The following POGLUT3 variants were observed in gnomAD, a reference collection of about 807,000 sequenced individuals.
POGLUT3 encodes protein O-glucosyltransferase 3.
In POGLUT3, 48 loss-of-function variants were observed where a neutral mutation model predicts 54.3. That is an observed-to-expected ratio of 0.88 (90% confidence interval 0.70 to 1.12). The LOEUF is 1.12. POGLUT3 is among the 50% of genes most tolerant of loss of function. POGLUT3 has a pLI of 0.00. For missense variants in POGLUT3, 629 were observed against 618.7 expected, an observed-to-expected ratio of 1.02 and a Z score of -0.18; for synonymous variants, 218 against 237.4, an observed-to-expected ratio of 0.92 and a Z score of 0.75.
At chr11:108,477,905 T>C (rs2093585186) in intron 6 of POGLUT3, 194 bp from the exon 7 acceptor site, 1 of 571,922 alleles carries the variant, frequency 1.7e-6, no homozygotes, top group East Asian at 3.0e-5. Flanking sequence ...TCCCAGTACT[T>C]TGGGGGCCCA....
Position 108,479,468 on chromosome 11 carries a change from T to G in POGLUT3, c.1126A>C (p.Thr376Pro), listed in dbSNP as rs1474035826. 6.2e-7 allele frequency: 1 copy of G among 1,600,824 alleles called. No individual in the cohort carries two copies. Among genetic ancestry groups the G allele is most frequent in the Non-Finnish European group, 8.5e-7 (1 of 1,177,214 alleles). Residue 376 changes from threonine (T) to proline (P), a missense_variant, in exon 6 of 8, where the codon ACC becomes CCC. Coordinates refer to ENST00000323468, the MANE Select transcript of POGLUT3 (RefSeq NM_153705.5). ...TATGGATATCTGTAAGCAGCCACGGTCCCATCCACATTTACTTGATACTTG... is the reference window on the plus strand; with the variant it reads ...TATGGATATCTGTAAGCAGCCACGGGCCCATCCACATTTACTTGATACTTG... ...KYKYQVNVDG[T>P]VAAYRYPYLM...
intron 1 of POGLUT3, 72 bp from the exon 2 acceptor site, chr11:108,491,239 T>C (rs765539145): frequency 2.1e-5 from 25 of 1,207,092 alleles, no homozygotes; most frequent in African/African-American, 3.0e-5. Context: ...ATAGGTGTTA[T>C]TGGATAACTT....
chr11:108,494,408 G>T (rs547941932), intron 1 of POGLUT3, among the ~76,000 whole-genome samples: 37 of 152,356 alleles, frequency 2.4e-4, no homozygotes, highest in Non-Finnish European at 5.1e-4. Flanking sequence ...CTGGCTAGCT[G>T]CCAACGACGA....
At chr11:108,492,070 G>C (rs1029764481) in intron 1 of POGLUT3, among the ~76,000 whole-genome samples, 5 of 143,838 alleles carry the variant, frequency 3.5e-5, no homozygotes, top group Admixed American at 7.4e-5. Context: ...CCAGACTCTT[G>C]TACAAGCTCA....
chr11:108,479,341 C>G lies in POGLUT3; in HGVS notation c.1253G>C (p.Arg418Thr). ...EPWKHYVPIK[R>T]NLSDLLEKVK... ...TTTCTCTAATAAATCACTCAGATTT[C>G]TTTTAATTGGAACATAATGCTTCCA... Residue 418 changes from arginine (R) to threonine (T), a missense_variant, in exon 6 of 8, where the codon AGA (arginine) becomes ACA (threonine). Transcript: ENST00000323468. The G allele has an allele frequency of 7.4e-6, 12 of 1,611,496 alleles. No individual in the cohort carries two copies. The highest frequency in any genetic ancestry group is 1.0e-5 in the Non-Finnish European group (12 of 1,179,582).
intron 5 of POGLUT3, among the ~76,000 whole-genome samples, chr11:108,479,927 G>C (rs1386562815): frequency 2.6e-5 from 4 of 152,068 alleles, no homozygotes; most frequent in Non-Finnish European, 5.9e-5. Flanking sequence ...TCCACCTCCT[G>C]GGTTCATACA....
rs2093570397 is a variant in POGLUT3, at chr11:108,472,244, A to G, written c.*2583T>C. On this transcript the variant is annotated 3_prime_UTR_variant, in exon 8 of 8. Coordinates refer to ENST00000323468, the MANE Select transcript of POGLUT3 (RefSeq NM_153705.5). Reference sequence around the variant, plus strand: ...ATAAATATTTGCTGTTCCTGTTTATATCTTTTGTGCATTTATTGTCTTTTC... The same window carrying G: ...ATAAATATTTGCTGTTCCTGTTTATGTCTTTTGTGCATTTATTGTCTTTTC... 6.6e-6 allele frequency: 1 copy of G among 152,182 alleles called. No homozygotes were observed. 9.4% of individuals were successfully genotyped at this position (152,182 alleles called of 1,614,324 possible).
chr11:108,477,889 C>G, intron 6 of POGLUT3, 178 bp from the exon 7 acceptor site: 2 of 597,086 alleles, frequency 3.3e-6, no homozygotes. Flanking sequence ...TGGCTCACAC[C>G]TGTAATCCCA....
At position 108,482,073 on chromosome 11, in the gene POGLUT3, G is replaced by C; in HGVS notation, c.834C>G (p.Ile278Met). 6.2e-7 allele frequency: 1 copy of C among 1,614,144 alleles called. No homozygotes were observed. Among genetic ancestry groups the C allele is most frequent in the Non-Finnish European group, 8.5e-7 (1 of 1,180,020 alleles). Residue 278 changes from isoleucine (I) to methionine (M), a missense_variant, in exon 4 of 8, where the codon ATC becomes ATG. By Grantham distance (10) the Ile-to-Met change is conservative (BLOSUM62 1). Transcript: ENST00000323468. ...SRDVVLPTYD[I>M]THSMLEAMRG... ...GCATGGCTTCAAGCATGGAGTGGGT[G>C]ATGTCATACGTTGGAAGGACAACAT... is the stretch of plus-strand genomic sequence containing the variant.
chr11:108,490,435 A>G (rs1218034907), intron 2 of POGLUT3, among the ~76,000 whole-genome samples: 1 of 152,052 alleles, frequency 6.6e-6, no homozygotes, highest in Non-Finnish European at 1.5e-5. Context: ...GCCTAAGCTC[A>G]AGCCATCCAC....
rs1192035406 is a variant in POGLUT3, at chr11:108,481,801, C to T, written c.901+205G>A. Among the ~76,000 whole-genome samples the T allele has an allele frequency of 3.3e-5, 5 of 152,276 alleles. No individual in the cohort carries two copies. The South Asian group carries it at 6.2e-4, about 19-fold the overall frequency. On this transcript the variant is annotated intron_variant, in intron 4 of 7. Transcript: ENST00000323468. ...CCATTTTCTGTGTTTCACAATAAAA[C>T]GTGAGCTAGCCCTTTGTTCTTACAA...
chr11:108,477,119 C>T (rs1007036631), intron 7 of POGLUT3, among the ~76,000 whole-genome samples: 2 of 151,810 alleles, frequency 1.3e-5, no homozygotes, highest in African/African-American at 4.8e-5. Flanking sequence ...ATGGAGGCCA[C>T]GGCTGGGCGT....
intron 1 of POGLUT3, among the ~76,000 whole-genome samples, chr11:108,497,607 A>G (rs920099108): frequency 2.0e-5 from 3 of 152,206 alleles, no homozygotes; most frequent in Admixed American, 6.5e-5. Context: ...AAACCGAATG[A>G]TTTCTACTGA....
chr11:108,498,219 A>G lies in POGLUT3; in HGVS notation c.148T>C (p.Phe50Leu). The part of the protein sequence containing the change: ...QAAVVLPVRY[F>L]YLQAVNSEGQ... ...TCCGAGTTGACCGCCTGCAGGTAGA[A>G]ATAGCGGACCGGCAGGACGACGGCC... The change falls in exon 1 of 8, where the codon TTC becomes CTC. Residue 50 changes from phenylalanine to leucine, a missense_variant. Transcript: ENST00000323468. 6.6e-7 allele frequency: 1 copy of G among 1,519,278 alleles called. No homozygotes were observed. Among genetic ancestry groups the G allele is most frequent in the Non-Finnish European group, 8.8e-7 (1 of 1,135,222 alleles). The allele number at this position is 1,519,278 out of a possible 1,614,324, so 94.1% of individuals were successfully genotyped here. A position where few individuals can be genotyped will look rare whatever the true frequency, so the allele number is the denominator to read the frequency against.
intron 7 of POGLUT3, among the ~76,000 whole-genome samples, chr11:108,475,264 TC>T (rs1277840265): frequency 2.0e-5 from 3 of 152,150 alleles, no homozygotes; most frequent in African/African-American, 7.2e-5. Flanking sequence ...GCATTTATTT[TC>T]CACTTGTTAT....
At chr11:108,480,905 AAAG>A (rs2093591068) in intron 5 of POGLUT3, among the ~76,000 whole-genome samples, 1 of 151,992 alleles carries the variant, frequency 6.6e-6, no homozygotes. Context: ...CAAAAAAAAA[AAAG>A]AAAGAAAAAC....
At position 108,479,445 on chromosome 11, in the gene POGLUT3, T is replaced by C. The variant is rs764143972; in HGVS notation, c.1149A>G (p.Pro383=). The change falls in exon 6 of 8, where the codon CCA becomes CCG. Residue 383 remains proline (P), a synonymous_variant. Coordinates refer to ENST00000323468, the MANE Select transcript of POGLUT3 (RefSeq NM_153705.5). ...CCAGACTGTCGCCCAGCATGAGATA[T>C]GGATATCTGTAAGCAGCCACGGTCC... ...VDGTVAAYRY[P]YLMLGDSLVL... is the part of the protein sequence containing the mutation. 1.2e-6 allele frequency: 2 copies of C among 1,611,798 alleles called. No individual in the cohort carries two copies. The highest frequency in any genetic ancestry group is 2.2e-5 in the East Asian group (1 of 44,814).
chr11:108,477,399 AAAAC>A (rs970498035), intron 7 of POGLUT3, among the ~76,000 whole-genome samples: 15 of 152,254 alleles, frequency 9.9e-5, no homozygotes, highest in Non-Finnish European at 1.5e-4. Flanking sequence ...ACTTCATCTC[AAAAC>A]AAACAAACAA....
chr11:108,484,960 T>G (rs1158969990), intron 3 of POGLUT3, among the ~76,000 whole-genome samples: 2 of 151,350 alleles, frequency 1.3e-5, no homozygotes, highest in Non-Finnish European at 2.9e-5. Flanking sequence ...GGGGCGCTAT[T>G]GGGGGATGTG....
Sources: gnomAD v4.1 joint callset for allele counts (sites outside exome capture counted in the v4.1 genomes callset) on GRCh38, gnomAD v4.1.1 for gene constraint, MANE v1.5 for transcripts, NCBI Gene and HGNC (gene_info 2026-07-23, HGNC 2026-07-21) for gene names.